The following MACROD2 variants were observed in gnomAD, a reference collection of about 807,000 sequenced individuals.
The protein encoded by MACROD2 is mono-ADP ribosylhydrolase 2, also known as ADP-ribose glycohydrolase MACROD2.
A neutral mutation model predicts 70.4 loss-of-function variants in MACROD2; 36 were observed. The observed-to-expected ratio is 0.51, with a 90% CI of 0.39 to 0.68. MACROD2 has a LOEUF of 0.68. MACROD2 is among the 30% of genes least tolerant of loss of function. The pLI is 0.00. For synonymous variants in MACROD2, 172 were observed against 178.8 expected (o/e 0.96, Z 0.30); for missense variants, 496 against 538.4 (o/e 0.92, Z 0.78).
intron 2 of MACROD2, chr20:14,003,504 C>G (rs2052765572): frequency 7.5e-6 from 2 of 267,774 alleles, no homozygotes; most frequent in Non-Finnish European, 1.5e-5. Flanking sequence ...ACCTGTCTGC[C>G]CAGTGTCTTC....
intron 5 of MACROD2, among the ~76,000 whole-genome samples, chr20:15,115,710 C>T (rs1211348239): frequency 1.3e-5 from 2 of 151,926 alleles, no homozygotes; most frequent in African/African-American, 2.4e-5. Flanking sequence ...ATTTAAAGAC[C>T]ACAGTTTTTG....
At chr20:14,933,074 A>G (rs1031181929) in intron 5 of MACROD2, among the ~76,000 whole-genome samples, 1 of 151,438 alleles carries the variant, frequency 6.6e-6, no homozygotes, top group Non-Finnish European at 1.5e-5. Context: ...TTTTAACGTA[A>G]CCTTTTTTTT....
At position 14,035,100 on chromosome 20, in the gene MACROD2, C is replaced by G. The variant is rs142379385; in HGVS notation, c.163+32696C>G. 4.4e-3 allele frequency among the ~76,000 whole-genome samples: 669 copies of G among 152,204 alleles called. 7 individuals carry two copies. The highest frequency in any genetic ancestry group is 0.015 in the African/African-American group (640 of 41,530). Reference sequence around the variant, plus strand: ...TTGATTTTCAAATACTGGTGTTGAACTCTGTTATTCATCAGTCTTTTAAGG... The same window carrying G: ...TTGATTTTCAAATACTGGTGTTGAAGTCTGTTATTCATCAGTCTTTTAAGG... On this transcript the variant is annotated intron_variant, in intron 2 of 17. Coordinates refer to ENST00000684519, the MANE Select transcript of MACROD2 (RefSeq NM_001351661.2).
chr20:15,240,010 A>G lies in MACROD2; in HGVS notation c.540+9949A>G, dbSNP rs145573936. Among the ~76,000 whole-genome samples, 93 of 152,280 alleles carry G rather than the reference A, an allele frequency of 6.1e-4. 1 individual carries two copies. Among genetic ancestry groups the G allele is most frequent in the African/African-American group, 2.0e-3 (85 of 41,554 alleles). ...GGCCTGGCCGGTATCTCATCAGTTC[A>G]TTGGTGAACAGCAGGGGGGTTTACC... On this transcript the variant is annotated intron_variant, in intron 6 of 17. Transcript: ENST00000684519.
intron 8 of MACROD2, 53 bp from the exon 9 acceptor site, chr20:15,862,691 CA>C: frequency 7.0e-7 from 1 of 1,431,810 alleles, no homozygotes; most frequent in Non-Finnish European, 9.8e-7. Context: ...TATGTCCTGG[CA>C]GGGCAATTGC....
At chr20:16,003,007 G>T (rs1204122721) in intron 15 of MACROD2, among the ~76,000 whole-genome samples, 3 of 151,622 alleles carry the variant, frequency 2.0e-5, no homozygotes, top group Non-Finnish European at 4.4e-5. Context: ...AAACTATCCA[G>T]CATGAATATG....
At chr20:16,036,221 C>A (rs956523689) in intron 15 of MACROD2, among the ~76,000 whole-genome samples, 7 of 151,826 alleles carry the variant, frequency 4.6e-5, no homozygotes, top group African/African-American at 1.7e-4. Context: ...ACTTGTAATT[C>A]TATTTGTTGT....
chr20:15,175,730 C>T (rs968155557), intron 5 of MACROD2, among the ~76,000 whole-genome samples: 13 of 152,200 alleles, frequency 8.5e-5, no homozygotes, highest in Admixed American at 6.5e-4. Context: ...GTTTTTTATA[C>T]TGATGGCAGT....
Position 14,959,632 on chromosome 20 carries a change from G to A in MACROD2, c.419-270308G>A, listed in dbSNP as rs1365689692. Among the ~76,000 whole-genome samples, 6 of 152,172 alleles carry A rather than the reference G, an allele frequency of 3.9e-5. No homozygotes were observed. The East Asian group carries it at 9.7e-4, about 25-fold the overall frequency. On this transcript the variant is annotated intron_variant, in intron 5 of 17. Coordinates refer to ENST00000684519, the MANE Select transcript of MACROD2 (RefSeq NM_001351661.2). ...CATAAAGATGTACAACTCTAGGGACGGGATGGCGTCCACACAGAAGCAATG... is the reference window on the plus strand; with the variant it reads ...CATAAAGATGTACAACTCTAGGGACAGGATGGCGTCCACACAGAAGCAATG...
At chr20:14,968,743 G>C (rs868625791) in intron 5 of MACROD2, among the ~76,000 whole-genome samples, 2 of 152,088 alleles carry the variant, frequency 1.3e-5, no homozygotes, top group Non-Finnish European at 2.9e-5. Context: ...GCTGGCTGGG[G>C]ACCACAGTTC....
At chr20:15,706,854 G>A (rs527446298) in intron 8 of MACROD2, among the ~76,000 whole-genome samples, 1 of 152,282 alleles carries the variant, frequency 6.6e-6, no homozygotes, top group Admixed American at 6.5e-5. Context: ...ATAATTCAGA[G>A]TTTCTGAAAC....
intron 4 of MACROD2, among the ~76,000 whole-genome samples, chr20:14,595,994 A>G (rs1224394042): frequency 1.3e-5 from 2 of 152,174 alleles, no homozygotes; most frequent in African/African-American, 4.8e-5. Context: ...ATGCAAATAC[A>G]TTGCTTGAAT....
At chr20:14,205,013 G>A (rs2081511436) in intron 3 of MACROD2, among the ~76,000 whole-genome samples, 1 of 152,164 alleles carries the variant, frequency 6.6e-6, no homozygotes, top group Non-Finnish European at 1.5e-5. Context: ...AGGAAATGCT[G>A]TAACTAGCTA....
chr20:15,898,549 TAAA>T (rs10678216), intron 10 of MACROD2, among the ~76,000 whole-genome samples: 11 of 94,530 alleles, frequency 1.2e-4, no homozygotes, highest in African/African-American at 4.7e-4. Flanking sequence ...AGACTCAGTC[TAAA>T]AAAAAAAAAA....
intron 5 of MACROD2, chr20:14,850,056 A>T (rs779904128): frequency 2.1e-6 from 1 of 486,060 alleles, no homozygotes; most frequent in Non-Finnish European, 4.0e-6. Flanking sequence ...GATCACAATG[A>T]CTTAATGAAA....
chr20:15,641,759 G>C (rs558613828), intron 8 of MACROD2, among the ~76,000 whole-genome samples: 1 of 152,260 alleles, frequency 6.6e-6, no homozygotes, highest in East Asian at 1.9e-4. Flanking sequence ...AATAGTTAGA[G>C]TTTTATTATA....
intron 5 of MACROD2, among the ~76,000 whole-genome samples, chr20:14,998,211 T>G (rs2074966197): frequency 6.6e-6 from 1 of 152,122 alleles, no homozygotes; most frequent in Non-Finnish European, 1.5e-5. Context: ...GCTCAGACAT[T>G]GACAAACAGA....
chr20:15,492,613 T>G lies in MACROD2; in HGVS notation c.572-7161T>G, dbSNP rs558788535. Among the ~76,000 whole-genome samples the G allele has an allele frequency of 3.9e-5, 6 of 152,332 alleles. No individual in the cohort carries two copies. The South Asian group carries it at 6.2e-4, about 16-fold the overall frequency. On this transcript the variant is annotated intron_variant, in intron 7 of 17. Coordinates refer to ENST00000684519, the MANE Select transcript of MACROD2 (RefSeq NM_001351661.2). ...GACAGTCAATGTTGACAATCCCTGT[T>G]CAACTGATGTCAACATATTGATCAA...
chr20:15,898,295 A>T (rs1413573633), intron 10 of MACROD2, among the ~76,000 whole-genome samples: 1 of 152,104 alleles, frequency 6.6e-6, no homozygotes, highest in Non-Finnish European at 1.5e-5. Context: ...CATGCCTATA[A>T]TCCCAGCACT....
Sources: gnomAD v4.1 joint callset for allele counts (sites outside exome capture counted in the v4.1 genomes callset) on GRCh38, gnomAD v4.1.1 for gene constraint, MANE v1.5 for transcripts, NCBI Gene and HGNC (gene_info 2026-07-23, HGNC 2026-07-21) for gene names.